RNF128: variants seen among roughly 807,000 people sequenced by gnomAD.
RNF128 encodes the protein ring finger protein 128.
In RNF128, 13 loss-of-function variants were observed where a neutral mutation model predicts 26.2. The ratio of observed to expected loss-of-function variants is 0.50; its 90% CI spans 0.32 to 0.79. RNF128 has a LOEUF of 0.79. Among genes scored for constraint, RNF128 ranks in the 30% least tolerant of loss-of-function variants. The pLI, the probability that RNF128 is intolerant of heterozygous loss-of-function variation, is 0.03. For synonymous variants in RNF128, 149 were observed against 142.5 expected (o/e 1.05, Z -0.32); for missense variants, 315 against 349.7 (o/e 0.90, Z 0.79).
intron 1 of RNF128, among the ~76,000 whole-genome samples, chrX:106,700,742 G>T (rs1272961616): frequency 9.0e-6 from 1 of 111,045 alleles, no homozygotes; most frequent in Non-Finnish European, 1.9e-5. Flanking sequence ...ATTCATTTTT[G>T]CATATATACG....
chrX:106,757,131 TG>T (rs1362461867), intron 1 of RNF128, among the ~76,000 whole-genome samples: 1 of 62,802 alleles, frequency 1.6e-5, no homozygotes, highest in African/African-American at 6.7e-5. Flanking sequence ...TTTACACTGT[TG>T]GTGGGACTGT....
chrX:106,794,898 T>C (rs2147706377), intron 6 of RNF128, among the ~76,000 whole-genome samples: 1 of 111,487 alleles, frequency 9.0e-6, no homozygotes, highest in East Asian at 2.8e-4. Context: ...ACAGTATTTT[T>C]ACTTATTTGT....
chrX:106,753,213 G>C (rs368330115), intron 1 of RNF128, among the ~76,000 whole-genome samples: 3 of 111,540 alleles, frequency 2.7e-5, no homozygotes, highest in African/African-American at 9.8e-5. Flanking sequence ...GGAAGACTAA[G>C]AGATGAACCT....
intron 1 of RNF128, among the ~76,000 whole-genome samples, chrX:106,709,798 G>A (rs1457651316): frequency 3.6e-5 from 4 of 111,340 alleles, no homozygotes; most frequent in Non-Finnish European, 5.7e-5. Flanking sequence ...CCACCACCTC[G>A]GCCTCCCAAA....
At chrX:106,741,130 A>G (rs938752795) in intron 1 of RNF128, among the ~76,000 whole-genome samples, 2 of 112,078 alleles carry the variant, frequency 1.8e-5, no homozygotes, top group African/African-American at 6.5e-5. Context: ...TTTTAATATA[A>G]TTACAGAATA....
chrX:106,730,370 A>G (rs981656707), intron 1 of RNF128, among the ~76,000 whole-genome samples: 7 of 112,466 alleles, frequency 6.2e-5, no homozygotes, highest in Non-Finnish European at 1.3e-4. Flanking sequence ...ATCTCTGGAT[A>G]TATTTCAATC....
At chrX:106,697,273 TTGGTAGTTTTTGTGGCGAGGACAC>T (rs2147655873) in intron 1 of RNF128, among the ~76,000 whole-genome samples, 1 of 111,825 alleles carries the variant, frequency 8.9e-6, no homozygotes, top group African/African-American at 3.2e-5. Context: ...AGAGAAATAT[TTGGTAGTTTTTGTGGCGAGGACAC>T]TGTCCATATT....
At chrX:106,765,206 T>C in intron 1 of RNF128, among the ~76,000 whole-genome samples, 1 of 111,983 alleles carries the variant, frequency 8.9e-6, no homozygotes, top group Non-Finnish European at 1.9e-5. Flanking sequence ...AAAAATAGTG[T>C]CTTTTGGAAT....
At chrX:106,786,003 A>G (rs757845546) in intron 3 of RNF128, among the ~76,000 whole-genome samples, 1 of 111,811 alleles carries the variant, frequency 8.9e-6, no homozygotes, top group South Asian at 3.7e-4. Flanking sequence ...TCCCCACCAA[A>G]CTAATTTATG....
chrX:106,761,848 G>T (rs997459193), intron 1 of RNF128, among the ~76,000 whole-genome samples: 8 of 109,392 alleles, frequency 7.3e-5, no homozygotes, highest in African/African-American at 2.7e-4. Flanking sequence ...CTGTCACTTG[G>T]TTTCTAACCT....
At chrX:106,749,868 G>T (rs1218776634) in intron 1 of RNF128, among the ~76,000 whole-genome samples, 1 of 108,178 alleles carries the variant, frequency 9.2e-6, no homozygotes, top group Non-Finnish European at 1.9e-5. Context: ...TCGTGCCACT[G>T]CACTCCAGCC....
chrX:106,764,363 T>C (rs1223503026), intron 1 of RNF128, among the ~76,000 whole-genome samples: 1 of 110,765 alleles, frequency 9.0e-6, no homozygotes, highest in Non-Finnish European at 1.9e-5. Flanking sequence ...GAACAAAACA[T>C]TTCTATTAGT....
intron 4 of RNF128, among the ~76,000 whole-genome samples, chrX:106,788,373 T>G (rs1298019757): frequency 2.3e-4 from 10 of 44,403 alleles, no homozygotes; most frequent in African/African-American, 1.2e-3. Context: ...ATAATATATA[T>G]TATATATTAT....
intron 2 of RNF128, among the ~76,000 whole-genome samples, chrX:106,778,903 C>T (rs192539826): frequency 8.0e-5 from 9 of 111,948 alleles, no homozygotes; most frequent in Admixed American, 6.7e-4. Context: ...CACTAGTACA[C>T]GAAATTATCT....
At chrX:106,790,411 T>A in intron 5 of RNF128, 129 bp downstream of exon 5, 1 of 399,314 alleles carries the variant, frequency 2.5e-6, no homozygotes. Flanking sequence ...ACCAGACATA[T>A]TTATATCATA....
At chrX:106,717,500 C>A (rs1659947940) in intron 1 of RNF128, among the ~76,000 whole-genome samples, 1 of 111,880 alleles carries the variant, frequency 8.9e-6, no homozygotes, top group Non-Finnish European at 1.9e-5. Flanking sequence ...CAGATCTTTT[C>A]TTGATACCGT....
At chrX:106,705,989 C>A (rs1177306668) in intron 1 of RNF128, among the ~76,000 whole-genome samples, 1 of 111,518 alleles carries the variant, frequency 9.0e-6, no homozygotes, top group Non-Finnish European at 1.9e-5. Context: ...ATCTTTCTCA[C>A]CTGAAAGCTG....
exon 1 of RNF128, chrX:106,694,141 G>C: frequency 8.3e-7 from 1 of 1,211,025 alleles, no homozygotes; most frequent in Non-Finnish European, 1.1e-6. Context: ...CACTGCAATA[G>C]AGACATGTGA....
At chrX:106,756,002 T>A (rs1930001947) in intron 1 of RNF128, among the ~76,000 whole-genome samples, 1 of 109,968 alleles carries the variant, frequency 9.1e-6, no homozygotes, top group Admixed American at 9.7e-5. Context: ...TCAAAGAGAA[T>A]AAAATACCTA....
Sources: allele counts gnomAD v4.1 joint callset (sites outside exome capture counted in the v4.1 genomes callset), GRCh38; gene constraint gnomAD v4.1.1; transcripts MANE v1.5; gene names NCBI Gene and HGNC (gene_info 2026-07-23, HGNC 2026-07-21).